Variants in ADGRB3 observed in about 807,000 individuals in gnomAD.
The protein encoded by ADGRB3 is adhesion G protein-coupled receptor B3, also known as brain-specific angiogenesis inhibitor 3.
ADGRB3 carries 37 observed loss-of-function variants against 193.4 expected under a neutral mutation model. The ratio of observed to expected loss-of-function variants is 0.19; its 90% CI spans 0.15 to 0.25. The LOEUF (loss-of-function observed/expected upper bound fraction) is 0.25. ADGRB3 is among the 10% of genes least tolerant of loss of function. The pLI is 1.00. For synonymous variants in ADGRB3, 690 were observed against 644.2 expected (o/e 1.07, Z -1.08); for missense variants, 1,637 against 1,852.9 (o/e 0.88, Z 2.14).
At chr6:68,808,426 C>CTTTT (rs574558007) in intron 3 of ADGRB3, among the ~76,000 whole-genome samples, 1 of 139,806 alleles carries the variant, frequency 7.2e-6, no homozygotes. Context: ...TTTTCAAGAC[C>CTTTT]TTTTTTTTTT....
At chr6:69,375,683 A>G (rs1036052312) in intron 30 of ADGRB3, among the ~76,000 whole-genome samples, 1 of 152,110 alleles carries the variant, frequency 6.6e-6, no homozygotes, top group Non-Finnish European at 1.5e-5. Flanking sequence ...CAGAAACACA[A>G]TTACAGGCAT....
At chr6:68,846,991 G>T (rs568500026) in intron 3 of ADGRB3, among the ~76,000 whole-genome samples, 2 of 152,174 alleles carry the variant, frequency 1.3e-5, no homozygotes, top group East Asian at 1.9e-4. Flanking sequence ...GGCTGGAGCT[G>T]CCCAAGACCA....
At chr6:69,348,493 C>A (rs1024905583) in intron 26 of ADGRB3, among the ~76,000 whole-genome samples, 335 of 114,588 alleles carry the variant, frequency 2.9e-3, no homozygotes, top group Middle Eastern at 4.1e-3. Context: ...CTAAAAAATG[C>A]AAAAAAAAAA....
At chr6:69,286,382 C>T (rs1193169870) in intron 20 of ADGRB3, among the ~76,000 whole-genome samples, 5 of 152,256 alleles carry the variant, frequency 3.3e-5, no homozygotes, top group African/African-American at 9.6e-5. Context: ...AATCCTGGGC[C>T]CTCTTGCTTT....
chr6:68,873,925 AT>A (rs1484910348), intron 3 of ADGRB3, among the ~76,000 whole-genome samples: 2 of 152,100 alleles, frequency 1.3e-5, no homozygotes, highest in Non-Finnish European at 2.9e-5. Flanking sequence ...TTCTCTCCAG[AT>A]TAGTTAACAT....
intron 29 of ADGRB3, among the ~76,000 whole-genome samples, chr6:69,365,927 G>A (rs1441512559): frequency 1.3e-5 from 2 of 152,052 alleles, no homozygotes; most frequent in East Asian, 3.9e-4. Flanking sequence ...CACTTTAGAT[G>A]TAAGATTATG....
intron 17 of ADGRB3, among the ~76,000 whole-genome samples, chr6:69,077,186 T>C (rs996269099): frequency 1.3e-5 from 2 of 151,958 alleles, no homozygotes; most frequent in African/African-American, 2.4e-5. Flanking sequence ...GTCATTATTA[T>C]TTTTTTCTTT....
chr6:69,094,300 T>C (rs571078320), intron 17 of ADGRB3, among the ~76,000 whole-genome samples: 12 of 152,214 alleles, frequency 7.9e-5, no homozygotes, highest in Non-Finnish European at 1.3e-4. Context: ...TGATTAAACT[T>C]CCAAATTGAT....
chr6:69,193,912 G>C (rs903839731), intron 17 of ADGRB3, among the ~76,000 whole-genome samples: 7 of 151,984 alleles, frequency 4.6e-5, no homozygotes, highest in Non-Finnish European at 7.4e-5. Flanking sequence ...GGGCAAAAAA[G>C]TGAAGCTCTA....
chr6:68,843,803 T>C (rs1302917096), intron 3 of ADGRB3, among the ~76,000 whole-genome samples: 2 of 152,122 alleles, frequency 1.3e-5, no homozygotes, highest in East Asian at 1.9e-4. Flanking sequence ...CAAAACAGCA[T>C]GGTGCTCACA....
chr6:69,353,561 C>T (rs998618800), intron 26 of ADGRB3, among the ~76,000 whole-genome samples: 1 of 152,156 alleles, frequency 6.6e-6, no homozygotes, highest in African/African-American at 2.4e-5. Flanking sequence ...AAGATAATGC[C>T]ATAGCAAATA....
At chr6:68,940,547 C>CTTTTTTTTTTTTTTTTTTTTTTT in intron 5 of ADGRB3, among the ~76,000 whole-genome samples, 2 of 69,216 alleles carry the variant, frequency 2.9e-5, no homozygotes, top group Admixed American at 2.0e-4. Flanking sequence ...TGCTTTTGAA[C>CTTTTTTTTTTTTTTTTTTTTTTT]TTTTTTTTTT....
intron 3 of ADGRB3, among the ~76,000 whole-genome samples, chr6:68,726,191 T>C (rs1323047428): frequency 1.3e-5 from 2 of 151,674 alleles, no homozygotes; most frequent in African/African-American, 4.8e-5. Context: ...ATCTTTTTTC[T>C]GATCACATGA....
At chr6:68,696,964 G>T (rs1045301443) in intron 3 of ADGRB3, among the ~76,000 whole-genome samples, 4 of 151,936 alleles carry the variant, frequency 2.6e-5, no homozygotes, top group African/African-American at 9.7e-5. Flanking sequence ...TTAGAGAATT[G>T]TCACCTGTGC....
chr6:68,975,158 G>A (rs1300571272), intron 9 of ADGRB3, 76 bp from the exon 10 acceptor site: 34 of 1,189,690 alleles, frequency 2.9e-5, no homozygotes, highest in Non-Finnish European at 4.1e-5. Context: ...TTAATTTTTA[G>A]CCTGATTCCC....
At chr6:68,929,618 C>T (rs1452488165) in intron 3 of ADGRB3, among the ~76,000 whole-genome samples, 1 of 152,052 alleles carries the variant, frequency 6.6e-6, no homozygotes, top group African/African-American at 2.4e-5. Context: ...CTCAGTATTC[C>T]CTTCCCATAT....
At chr6:68,722,039 A>G (rs1246307601) in intron 3 of ADGRB3, among the ~76,000 whole-genome samples, 2 of 151,450 alleles carry the variant, frequency 1.3e-5, no homozygotes, top group African/African-American at 4.8e-5. Flanking sequence ...TACATTATTC[A>G]TGTTTTTTTA....
At chr6:69,053,879 A>G (rs1562139324) in intron 15 of ADGRB3, among the ~76,000 whole-genome samples, 3 of 152,246 alleles carry the variant, frequency 2.0e-5, no homozygotes, top group Admixed American at 6.5e-5. Flanking sequence ...ATAGAAAAGT[A>G]TATCCAAGTA....
At chr6:69,275,786 G>A (rs1315357188) in intron 20 of ADGRB3, among the ~76,000 whole-genome samples, 2 of 151,888 alleles carry the variant, frequency 1.3e-5, no homozygotes, top group Non-Finnish European at 2.9e-5. Flanking sequence ...ACAGTACATG[G>A]GAGTATGTGA....
Sources: gnomAD v4.1 joint callset for allele counts (sites outside exome capture counted in the v4.1 genomes callset) on GRCh38, gnomAD v4.1.1 for gene constraint, MANE v1.5 for transcripts, NCBI Gene and HGNC (gene_info 2026-07-23, HGNC 2026-07-21) for gene names.